The following MCC variants were observed in gnomAD, a reference collection of about 807,000 sequenced individuals.
MCC encodes MCC regulator of Wnt signaling pathway, also known as colorectal mutant cancer protein.
In MCC, 90 loss-of-function variants were observed where a neutral mutation model predicts 116.2. That is an observed-to-expected ratio of 0.77 (90% CI 0.65 to 0.92). MCC has a LOEUF of 0.92. Among genes scored for constraint, MCC ranks in the 40% least tolerant of loss-of-function variants. MCC has a pLI of 0.00. For synonymous variants in MCC, 578 were observed against 510.5 expected, an observed-to-expected ratio of 1.13 and a Z score of -1.78; for missense variants, 1,516 against 1,312.2, an observed-to-expected ratio of 1.16 and a Z score of -2.40.
intron 3 of MCC, among the ~76,000 whole-genome samples, chr5:113,227,212 T>C (rs755274068): frequency 3.5e-4 from 53 of 152,356 alleles, no homozygotes; most frequent in Non-Finnish European, 6.9e-4. Context: ...CATTTGAGAC[T>C]CTTGAAGTTA....
chr5:113,236,520 G>A (rs1239114510), intron 3 of MCC, among the ~76,000 whole-genome samples: 1 of 152,162 alleles, frequency 6.6e-6, no homozygotes, highest in African/African-American at 2.4e-5. Context: ...GAAAAATGGG[G>A]ATAATTATGT....
At chr5:113,418,704 C>T (rs1169729396) in intron 1 of MCC, among the ~76,000 whole-genome samples, 1 of 152,158 alleles carries the variant, frequency 6.6e-6, no homozygotes, top group Non-Finnish European at 1.5e-5. Context: ...TCATCATCAT[C>T]ATCATCATCA....
intron 1 of MCC, among the ~76,000 whole-genome samples, chr5:113,455,853 G>A (rs981325142): frequency 6.6e-6 from 1 of 152,112 alleles, no homozygotes; most frequent in African/African-American, 2.4e-5. Context: ...ACAGCTTTCT[G>A]TATTCAGAAT....
chr5:113,289,518 A>G (rs1442917592), intron 3 of MCC, among the ~76,000 whole-genome samples: 5 of 152,072 alleles, frequency 3.3e-5, no homozygotes, highest in Admixed American at 2.0e-4. Context: ...TTTGACCAAC[A>G]GAACACACAG....
chr5:113,044,686 C>T (rs922839039), intron 16 of MCC, among the ~76,000 whole-genome samples: 2 of 152,154 alleles, frequency 1.3e-5, no homozygotes, highest in African/African-American at 2.4e-5. Flanking sequence ...GCGATTCTCC[C>T]ACCTCAGCCT....
intron 2 of MCC, among the ~76,000 whole-genome samples, chr5:113,347,406 T>A (rs1287489686): frequency 6.6e-6 from 1 of 151,038 alleles, no homozygotes; most frequent in African/African-American, 2.5e-5. Flanking sequence ...GTTTATGCAA[T>A]CAGTGTTGTT....
intron 3 of MCC, among the ~76,000 whole-genome samples, chr5:113,184,482 T>G (rs565259904): frequency 4.0e-4 from 52 of 129,376 alleles, no homozygotes; most frequent in African/African-American, 1.1e-3. Flanking sequence ...GTTTTTTGTT[T>G]TTTTTTTTTT....
intron 3 of MCC, among the ~76,000 whole-genome samples, chr5:113,241,221 T>A (rs907128910): frequency 4.6e-5 from 7 of 152,290 alleles, no homozygotes; most frequent in African/African-American, 1.4e-4. Context: ...GCAGATTGAC[T>A]ACACACTTCT....
At chr5:113,212,322 A>G (rs1763163523) in intron 3 of MCC, among the ~76,000 whole-genome samples, 1 of 152,164 alleles carries the variant, frequency 6.6e-6, no homozygotes, top group Non-Finnish European at 1.5e-5. Flanking sequence ...CTAATCTTGA[A>G]TCCCTAGATA....
intron 3 of MCC, among the ~76,000 whole-genome samples, chr5:113,201,278 C>T (rs539328489): frequency 7.3e-5 from 11 of 150,572 alleles, no homozygotes; most frequent in Non-Finnish European, 1.0e-4. Context: ...CCCAGCTACT[C>T]GGGAGGCTGA....
intron 16 of MCC, among the ~76,000 whole-genome samples, chr5:113,047,584 G>A (rs1412675761): frequency 2.0e-5 from 3 of 152,278 alleles, no homozygotes; most frequent in Admixed American, 1.3e-4. Context: ...TCCTGGAGAC[G>A]ATCCTGCACT....
intron 3 of MCC, among the ~76,000 whole-genome samples, chr5:113,218,153 C>A (rs1763398099): frequency 2.0e-5 from 3 of 151,066 alleles, no homozygotes; most frequent in Admixed American, 2.0e-4. Context: ...GTGGGGGAGC[C>A]CTTTACCCAG....
chr5:113,387,426 A>C (rs1427899641), intron 1 of MCC, among the ~76,000 whole-genome samples: 2 of 152,250 alleles, frequency 1.3e-5, no homozygotes, highest in African/African-American at 2.4e-5. Flanking sequence ...AGGGATGATT[A>C]GGATTGCTAA....
intron 3 of MCC, among the ~76,000 whole-genome samples, chr5:113,253,585 A>G (rs1764883739): frequency 6.6e-6 from 1 of 152,226 alleles, no homozygotes; most frequent in African/African-American, 2.4e-5. Context: ...GCAGATGAGC[A>G]CAAGGAGGAG....
intron 17 of MCC, among the ~76,000 whole-genome samples, chr5:113,037,621 G>A (rs1308532416): frequency 2.0e-5 from 3 of 152,152 alleles, no homozygotes; most frequent in Admixed American, 2.0e-4. Context: ...TGAGCCTGGG[G>A]AGGTTGAGTC....
intron 3 of MCC, among the ~76,000 whole-genome samples, chr5:113,172,652 G>A (rs550956725): frequency 3.9e-5 from 6 of 152,264 alleles, no homozygotes; most frequent in South Asian, 2.1e-4. Flanking sequence ...TGTGCTGGGC[G>A]TACCATAACT....
intron 3 of MCC, among the ~76,000 whole-genome samples, chr5:113,253,912 A>G (rs1240695214): frequency 6.6e-6 from 1 of 152,218 alleles, no homozygotes; most frequent in East Asian, 1.9e-4. Flanking sequence ...TGAAATCCCC[A>G]GAAAACTGGG....
chr5:113,059,756 G>C (rs1753089548), intron 14 of MCC, among the ~76,000 whole-genome samples: 1 of 152,212 alleles, frequency 6.6e-6, no homozygotes, highest in Non-Finnish European at 1.5e-5. Flanking sequence ...TCTGTTCATT[G>C]CCAGCAGCTC....
At chr5:113,140,737 C>T (rs1759126978) in intron 5 of MCC, among the ~76,000 whole-genome samples, 1 of 152,074 alleles carries the variant, frequency 6.6e-6, no homozygotes, top group African/African-American at 2.4e-5. Context: ...TAACTGAGGC[C>T]AGATTTAAGT....
Sources: gnomAD v4.1 joint callset for allele counts (sites outside exome capture counted in the v4.1 genomes callset) on GRCh38, gnomAD v4.1.1 for gene constraint, MANE v1.5 for transcripts, NCBI Gene and HGNC (gene_info 2026-07-23, HGNC 2026-07-21) for gene names.